Variants in IMMP2L observed in about 807,000 individuals in gnomAD.
IMMP2L encodes inner mitochondrial membrane peptidase subunit 2.
Under a neutral mutation model 19.3 loss-of-function variants are expected in IMMP2L, and 18 were observed. The observed-to-expected ratio is 0.93, with a 90% CI of 0.64 to 1.38. The LOEUF is 1.38. Among genes scored for constraint, IMMP2L ranks in the 40% most tolerant of loss-of-function variants. The pLI is 0.00. For synonymous variants in IMMP2L, 76 were observed against 73.0 expected, an observed-to-expected ratio of 1.04 and a Z score of -0.21; for missense variants, 233 against 218.2, an observed-to-expected ratio of 1.07 and a Z score of -0.43.
At chr7:111,519,060 G>GTTATCTATATA in intron 2 of IMMP2L, among the ~76,000 whole-genome samples, 1 of 152,234 alleles carries the variant, frequency 6.6e-6, no homozygotes, top group Non-Finnish European at 1.5e-5. Context: ...CTGTATAGTT[G>GTTATCTATATA]TATAGATAAG....
intron 3 of IMMP2L, among the ~76,000 whole-genome samples, chr7:111,292,145 T>C (rs1310613457): frequency 6.6e-6 from 1 of 152,180 alleles, no homozygotes. Context: ...TCATGGCCTC[T>C]GTGTCTATGA....
intron 3 of IMMP2L, among the ~76,000 whole-genome samples, chr7:111,058,369 C>T (rs2129574200): frequency 6.6e-6 from 1 of 152,198 alleles, no homozygotes; most frequent in South Asian, 2.1e-4. Flanking sequence ...TCTTGGCTAG[C>T]TTGTTTGCAA....
chr7:111,406,782 A>C (rs1833934512), intron 3 of IMMP2L, among the ~76,000 whole-genome samples: 1 of 152,078 alleles, frequency 6.6e-6, no homozygotes, highest in Admixed American at 6.6e-5. Flanking sequence ...TGGATTCCCT[A>C]GAAAACAGGC....
intron 3 of IMMP2L, among the ~76,000 whole-genome samples, chr7:111,239,593 A>G (rs546615570): frequency 6.6e-6 from 1 of 152,116 alleles, no homozygotes; most frequent in East Asian, 1.9e-4. Flanking sequence ...CACATGATGC[A>G]GAATATCAAC....
intron 3 of IMMP2L, among the ~76,000 whole-genome samples, chr7:111,215,722 CCT>C (rs1312773156): frequency 6.6e-6 from 1 of 152,080 alleles, no homozygotes. Flanking sequence ...TTAATTTTCT[CCT>C]CTTTCAGAAA....
intron 3 of IMMP2L, among the ~76,000 whole-genome samples, chr7:111,402,995 C>G (rs563277292): frequency 1.3e-4 from 12 of 92,094 alleles, no homozygotes; most frequent in East Asian, 1.2e-3. Flanking sequence ...GCCTTGACCC[C>G]CCCCCCCCAC....
intron 3 of IMMP2L, among the ~76,000 whole-genome samples, chr7:111,421,012 C>T (rs574707641): frequency 3.9e-5 from 6 of 151,990 alleles, no homozygotes; most frequent in African/African-American, 1.5e-4. Flanking sequence ...AACTAATTTA[C>T]AGTCCCACCA....
intron 3 of IMMP2L, among the ~76,000 whole-genome samples, chr7:111,313,993 C>G (rs541726536): frequency 1.1e-4 from 16 of 151,926 alleles, no homozygotes; most frequent in Non-Finnish European, 2.2e-4. Flanking sequence ...CACTCTCTGT[C>G]TAGCTCCTGC....
intron 4 of IMMP2L, among the ~76,000 whole-genome samples, chr7:110,927,729 T>C (rs1389262287): frequency 6.6e-6 from 1 of 152,020 alleles, no homozygotes; most frequent in African/African-American, 2.4e-5. Flanking sequence ...TGATAATGTC[T>C]ATGCTGGACT....
chr7:110,693,697 C>A (rs1793669874), intron 5 of IMMP2L, among the ~76,000 whole-genome samples: 1 of 152,192 alleles, frequency 6.6e-6, no homozygotes, highest in Non-Finnish European at 1.5e-5. Flanking sequence ...AATCCATAGA[C>A]ACCAGAAAAT....
At chr7:111,037,605 T>TA (rs1791475189) in intron 3 of IMMP2L, among the ~76,000 whole-genome samples, 1 of 152,150 alleles carries the variant, frequency 6.6e-6, no homozygotes, top group African/African-American at 2.4e-5. Flanking sequence ...AAGGTAACTG[T>TA]GAAATGACAT....
chr7:111,453,591 T>C (rs896659138), intron 3 of IMMP2L, among the ~76,000 whole-genome samples: 1 of 152,152 alleles, frequency 6.6e-6, no homozygotes, highest in Admixed American at 6.5e-5. Context: ...CATGTAAAGA[T>C]ACATGCTACC....
intron 5 of IMMP2L, among the ~76,000 whole-genome samples, chr7:110,740,066 G>A (rs1055560364): frequency 1.3e-5 from 2 of 152,140 alleles, no homozygotes; most frequent in African/African-American, 4.8e-5. Context: ...CAAAAGCAAT[G>A]CTAAGAGGAA....
intron 5 of IMMP2L, among the ~76,000 whole-genome samples, chr7:110,704,531 G>A (rs1408578451): frequency 6.6e-6 from 1 of 152,152 alleles, no homozygotes; most frequent in Non-Finnish European, 1.5e-5. Flanking sequence ...GCACTTCTGT[G>A]GCAGTGCTGC....
intron 3 of IMMP2L, among the ~76,000 whole-genome samples, chr7:111,070,167 C>T (rs1428965663): frequency 6.6e-6 from 1 of 151,976 alleles, no homozygotes; most frequent in Admixed American, 6.6e-5. Context: ...AGTATAAAGT[C>T]CAAAGAATCT....
intron 3 of IMMP2L, among the ~76,000 whole-genome samples, chr7:111,308,510 T>G (rs1452614269): frequency 6.6e-6 from 1 of 151,920 alleles, no homozygotes. Context: ...TTTCTATGTA[T>G]GGAGAACAAA....
intron 3 of IMMP2L, among the ~76,000 whole-genome samples, chr7:111,201,297 C>T (rs189169371): frequency 4.6e-5 from 7 of 151,190 alleles, no homozygotes; most frequent in East Asian, 1.9e-4. Flanking sequence ...AAAAAAACTG[C>T]GTCAATTTCA....
chr7:110,673,250 G>T (rs920763244), intron 5 of IMMP2L, among the ~76,000 whole-genome samples: 1 of 152,194 alleles, frequency 6.6e-6, no homozygotes, highest in Admixed American at 6.5e-5. Context: ...CTGTACCTTG[G>T]CCCTTTTAGC....
chr7:110,722,651 G>A (rs1450393441), intron 5 of IMMP2L, among the ~76,000 whole-genome samples: 1 of 152,008 alleles, frequency 6.6e-6, no homozygotes, highest in Non-Finnish European at 1.5e-5. Context: ...GCCGATTTTT[G>A]TTTCTATGGT....
Sources: allele counts gnomAD v4.1 joint callset (sites outside exome capture counted in the v4.1 genomes callset), GRCh38; gene constraint gnomAD v4.1.1; transcripts MANE v1.5; gene names NCBI Gene and HGNC (gene_info 2026-07-23, HGNC 2026-07-21).